Variants in PTGER3 observed in about 807,000 individuals in gnomAD.
PTGER3 encodes prostaglandin E2 receptor EP3 subtype.
In PTGER3, 22 loss-of-function variants were observed where a neutral mutation model predicts 34.7. The observed-to-expected ratio is 0.63, with a 90% CI of 0.45 to 0.91. The LOEUF (loss-of-function observed/expected upper bound fraction) is 0.91. Ranked by LOEUF, PTGER3 falls within the 40% of genes least tolerant of loss-of-function variation. The pLI, the probability that PTGER3 is intolerant of heterozygous loss-of-function variation, is 0.00. For missense variants in PTGER3, 468 were observed against 519.4 expected (o/e 0.90, Z 0.96); for synonymous variants, 241 against 230.1 (o/e 1.05, Z -0.43).
chr1:70,966,467 A>G (rs777920815), downstream of PTGER3, among the ~76,000 whole-genome samples: 1 of 152,116 alleles, frequency 6.6e-6, no homozygotes, highest in Non-Finnish European at 1.5e-5. Flanking sequence ...CTAGTTTTTC[A>G]TTGTTTACAT....
At chr1:71,032,157 ACTT>A (rs1271115031) in intron 1 of PTGER3, among the ~76,000 whole-genome samples, 2 of 152,158 alleles carry the variant, frequency 1.3e-5, no homozygotes, top group Admixed American at 6.5e-5. Flanking sequence ...TCAAGAAAGA[ACTT>A]CTTTTTTCTT....
At chr1:70,877,002 G>A (rs1190964378) in intron 4 of PTGER3, among the ~76,000 whole-genome samples, 1 of 152,180 alleles carries the variant, frequency 6.6e-6, no homozygotes, top group East Asian at 1.9e-4. Context: ...AATTTCATTG[G>A]TAGTTTGATA....
At position 70,974,386 on chromosome 1, in the gene PTGER3, G is replaced by A. The variant is rs770713167; in HGVS notation, c.1080C>T (p.Ile360=). 3.0e-6 allele frequency: 3 copies of A among 1,002,970 alleles called. No individual in the cohort carries two copies. Among genetic ancestry groups the A allele is most frequent in the Non-Finnish European group, 4.8e-6 (3 of 621,800 alleles). The allele number at this position is 1,002,970 out of a possible 1,614,324, so 62.1% of individuals were successfully genotyped here. Residue 360 remains isoleucine (I), a splice_region_variant and synonymous_variant, in exon 3 of 4, where the codon ATC becomes ATT. Transcript: ENST00000306666. ...RKILLRKFCQ[I]RYHTNNYASS... is the part of the protein sequence containing the mutation. The stretch of plus-strand genomic sequence containing the variant: ...ATGCATAGTTGTTTGTGTGGTACCT[G>A]ATCTGTGAACAGACAGAGGATTTCA...
At chr1:70,891,289 C>A (rs184027874) in intron 4 of PTGER3, among the ~76,000 whole-genome samples, 85 of 152,260 alleles carry the variant, frequency 5.6e-4, no homozygotes, top group Admixed American at 1.2e-3. Context: ...CAATAATTTC[C>A]AAGTTATTTC....
intron 2 of PTGER3, among the ~76,000 whole-genome samples, chr1:70,978,937 C>G (rs949201532): frequency 2.6e-5 from 4 of 152,178 alleles, no homozygotes; most frequent in African/African-American, 9.7e-5. Flanking sequence ...AAAGTCCTAT[C>G]TGGAATCTAG....
At chr1:70,967,659 C>A (rs1204667461), downstream of PTGER3, among the ~76,000 whole-genome samples, 5 of 152,066 alleles carry the variant, frequency 3.3e-5, no homozygotes, top group South Asian at 1.0e-3. Flanking sequence ...ATATTTTATA[C>A]AGATCCTTAA....
At chr1:70,905,470 A>C (rs1426418781) in intron 4 of PTGER3, among the ~76,000 whole-genome samples, 1 of 152,200 alleles carries the variant, frequency 6.6e-6, no homozygotes, top group East Asian at 1.9e-4. Context: ...GCAGATCCAC[A>C]GGGGCAAAGC....
At chr1:70,883,991 G>A (rs1421035924) in intron 4 of PTGER3, 2 of 336,490 alleles carry the variant, frequency 5.9e-6, no homozygotes, top group South Asian at 2.3e-5. Context: ...GAACCCAGGA[G>A]GCGAAGATTG....
chr1:70,962,451 C>G (rs151188190), intron 2 of PTGER3, among the ~76,000 whole-genome samples: 1 of 150,692 alleles, frequency 6.6e-6, no homozygotes, highest in African/African-American at 2.5e-5. Context: ...CCCTCACTGC[C>G]AACAAAGACA....
intron 2 of PTGER3, among the ~76,000 whole-genome samples, chr1:70,989,164 C>T (rs567482776): frequency 3.3e-5 from 5 of 152,140 alleles, no homozygotes; most frequent in Admixed American, 6.5e-5. Context: ...CACAGGAAAG[C>T]GCTCAGAACA....
intron 2 of PTGER3, among the ~76,000 whole-genome samples, chr1:70,981,271 CCTTTT>C (rs891512392): frequency 6.6e-6 from 1 of 150,962 alleles, no homozygotes; most frequent in African/African-American, 2.4e-5. Flanking sequence ...TTTTCTTTTT[CCTTTT>C]CTTTTCTCTC....
At chr1:70,877,067 T>C (rs1646287921) in intron 4 of PTGER3, among the ~76,000 whole-genome samples, 1 of 152,212 alleles carries the variant, frequency 6.6e-6, no homozygotes, top group African/African-American at 2.4e-5. Flanking sequence ...TTTAACAATA[T>C]TGATTCTCCC....
At chr1:71,043,096 T>C (rs1660456440) in intron 1 of PTGER3, among the ~76,000 whole-genome samples, 2 of 152,218 alleles carry the variant, frequency 1.3e-5, no homozygotes, top group African/African-American at 4.8e-5. Flanking sequence ...AATCCTAAGG[T>C]TATTCCCATT....
intron 2 of PTGER3, among the ~76,000 whole-genome samples, chr1:70,957,677 T>A (rs1651485020): frequency 6.6e-6 from 1 of 152,212 alleles, no homozygotes; most frequent in South Asian, 2.1e-4. Context: ...ATCCATCATT[T>A]TAGACATTTC....
At chr1:70,867,491 C>T (rs1036140289) in intron 4 of PTGER3, among the ~76,000 whole-genome samples, 3 of 152,096 alleles carry the variant, frequency 2.0e-5, no homozygotes, top group Non-Finnish European at 2.9e-5. Flanking sequence ...GAGGCCGAGG[C>T]GGGCAGATCA....
chr1:70,989,284 G>A (rs2300166), intron 2 of PTGER3, among the ~76,000 whole-genome samples: 48,581 of 152,004 alleles, frequency 0.32, 8,475 homozygotes, highest in South Asian at 0.44. Context: ...CATTTTCTAC[G>A]CAGGGAAGTT....
intron 4 of PTGER3, among the ~76,000 whole-genome samples, chr1:70,853,400 G>C (rs1186844339): frequency 6.6e-6 from 1 of 152,176 alleles, no homozygotes; most frequent in Non-Finnish European, 1.5e-5. Context: ...TAAGTGAATG[G>C]CTGAAGGAAA....
chr1:70,982,574 G>C (rs1654486505), intron 2 of PTGER3, among the ~76,000 whole-genome samples: 2 of 152,034 alleles, frequency 1.3e-5, no homozygotes, highest in Non-Finnish European at 2.9e-5. Context: ...TTGTAAAATT[G>C]CTTCTTATTT....
chr1:70,890,687 TTCTC>T (rs1646597174), intron 4 of PTGER3, among the ~76,000 whole-genome samples: 1 of 152,236 alleles, frequency 6.6e-6, no homozygotes, highest in Admixed American at 6.5e-5. Context: ...TAACAGCCTG[TTCTC>T]ACACACAGCC....
Sources: allele counts gnomAD v4.1 joint callset (sites outside exome capture counted in the v4.1 genomes callset), GRCh38; gene constraint gnomAD v4.1.1; transcripts MANE v1.5; gene names NCBI Gene and HGNC (gene_info 2026-07-23, HGNC 2026-07-21).